KATNIP: variants seen among roughly 807,000 people sequenced by gnomAD.
KATNIP encodes katanin-interacting protein.
KATNIP carries 126 observed loss-of-function variants against 174.0 expected under a neutral mutation model. That is an observed-to-expected ratio of 0.72 (90% CI 0.63 to 0.84). The LOEUF is 0.84. Among genes scored for constraint, KATNIP ranks in the 40% least tolerant of loss-of-function variants. The pLI, the probability that KATNIP is intolerant of heterozygous loss-of-function variation, is 0.00. For synonymous variants in KATNIP, 810 were observed against 835.7 expected (o/e 0.97, Z 0.53); for missense variants, 1,958 against 2,109.7 (o/e 0.93, Z 1.41).
intron 22 of KATNIP, 45 bp downstream of exon 22, chr16:27,771,697 G>A: frequency 6.3e-7 from 1 of 1,597,624 alleles, no homozygotes; most frequent in Non-Finnish European, 8.6e-7. Context: ...GGGCCCCGAG[G>A]CAGCGCCTGG....
chr16:27,661,181 C>T (rs1428298783), intron 6 of KATNIP, among the ~76,000 whole-genome samples: 4 of 152,052 alleles, frequency 2.6e-5, no homozygotes, highest in African/African-American at 9.7e-5. Context: ...TAGTTTGGAT[C>T]CTGAAATATT....
chr16:27,594,194 A>C (rs1193406466), intron 2 of KATNIP, among the ~76,000 whole-genome samples: 1 of 152,046 alleles, frequency 6.6e-6, no homozygotes, highest in East Asian at 1.9e-4. Flanking sequence ...CAGGAAGCCA[A>C]GTCTGCAGTG....
chr16:27,568,774 C>G (rs750851313), intron 1 of KATNIP, among the ~76,000 whole-genome samples: 2 of 152,134 alleles, frequency 1.3e-5, no homozygotes, highest in Non-Finnish European at 2.9e-5. Flanking sequence ...GAAATAAGTT[C>G]TTAATCCAAA....
intron 22 of KATNIP, among the ~76,000 whole-genome samples, chr16:27,772,824 T>TAC (rs771813914): frequency 1.6e-4 from 24 of 151,856 alleles, no homozygotes; most frequent in South Asian, 8.3e-4. Flanking sequence ...GAATTCCTAA[T>TAC]ACACACACAC....
intron 2 of KATNIP, among the ~76,000 whole-genome samples, chr16:27,592,526 G>A (rs535380284): frequency 5.3e-5 from 8 of 152,098 alleles, no homozygotes; most frequent in African/African-American, 1.4e-4. Flanking sequence ...GCTGAGGTGG[G>A]AAGATCACTT....
Position 27,740,718 on chromosome 16 carries a change from C to T in KATNIP, c.2421C>T (p.Gly807=). Residue 807 remains glycine (G), a synonymous_variant, in exon 15 of 28, where the codon GGC becomes GGT. Coordinates refer to ENST00000261588, the MANE Select transcript of KATNIP (RefSeq NM_015202.5). ...GAGAGACCGAGGCCAGGGATAAAGG[C>T]CTACGGCATGAGCCAGGGTGGGGGA... is the stretch of plus-strand genomic sequence containing the variant. ...GPGETEARDK[G]LRHEPGWGTS... The T allele has an allele frequency of 6.2e-7, 1 of 1,614,178 alleles. No individual in the cohort carries two copies. The highest frequency in any genetic ancestry group is 2.2e-5 in the East Asian group (1 of 44,880).
chr16:27,696,226 T>C (rs1042114094), intron 8 of KATNIP, among the ~76,000 whole-genome samples: 3 of 152,226 alleles, frequency 2.0e-5, no homozygotes, highest in African/African-American at 7.2e-5. Flanking sequence ...AAAGCAATAA[T>C]ATTGCAAAAT....
chr16:27,648,651 A>G lies in KATNIP; in HGVS notation c.456A>G (p.Glu152=), dbSNP rs768608795. 1 of 1,614,000 alleles carries G rather than the reference A, an allele frequency of 6.2e-7. No individual in the cohort carries two copies. The highest frequency in any genetic ancestry group is 1.1e-5 in the South Asian group (1 of 91,080). Residue 152 remains glutamate, a synonymous_variant, in exon 6 of 28, where the codon GAA becomes GAG. Transcript: ENST00000261588. ...AAGCTGGCCCACGGCTCCACATCGA[A>G]CCTCCTGTGGACTATTCTGATGATT... The part of the protein sequence containing the change: ...RTEAGPRLHI[E]PPVDYSDDFE...
At chr16:27,632,509 G>T in intron 5 of KATNIP, 1 of 429,666 alleles carries the variant, frequency 2.3e-6, no homozygotes, top group Non-Finnish European at 4.9e-6. Flanking sequence ...GGATCTGAGG[G>T]TGGAGGTTTT....
intron 17 of KATNIP, among the ~76,000 whole-genome samples, chr16:27,753,876 A>G (rs945721304): frequency 1.4e-5 from 2 of 147,602 alleles, no homozygotes; most frequent in East Asian, 2.0e-4. Context: ...AGCTCACCAC[A>G]TAAGCATTTA....
chr16:27,754,313 TGTG>T, intron 18 of KATNIP, 62 bp downstream of exon 18: 2 of 1,392,456 alleles, frequency 1.4e-6, no homozygotes, highest in East Asian at 4.6e-5. Flanking sequence ...CAGGGGGAGT[TGTG>T]GCCACTTGGG....
chr16:27,647,519 T>TG (rs1442541879), intron 5 of KATNIP, among the ~76,000 whole-genome samples: 1 of 150,872 alleles, frequency 6.6e-6, no homozygotes, highest in African/African-American at 2.4e-5. Context: ...TTTTTTTTTT[T>TG]TTTTAAATGG....
intron 2 of KATNIP, among the ~76,000 whole-genome samples, chr16:27,603,657 T>C (rs1243441906): frequency 6.6e-6 from 1 of 152,004 alleles, no homozygotes; most frequent in African/African-American, 2.4e-5. Context: ...GTTGCCCAGG[T>C]TGGTCTCCAA....
intron 6 of KATNIP, among the ~76,000 whole-genome samples, chr16:27,672,680 G>A (rs926652871): frequency 1.3e-5 from 2 of 152,170 alleles, no homozygotes; most frequent in East Asian, 1.9e-4. Context: ...GAGGAGTGGC[G>A]GAGTGCAGAA....
rs149873046 is a variant in KATNIP at position 27,622,256 on chromosome 16, C to A, written c.140+3755C>A. ...TAGTGGCAGGGTGAGCGCAAGGCCA[C>A]CTATAACTATGACAAAAGAAGCAGA... On this transcript the variant is annotated intron_variant, in intron 3 of 27. Transcript: ENST00000261588. Among the ~76,000 whole-genome samples, 4 of 152,196 alleles carry A rather than the reference C, an allele frequency of 2.6e-5. No individual in the cohort carries two copies. In the East Asian group the frequency reaches 7.7e-4, roughly 29 times the overall value.
chr16:27,621,843 A>G (rs1462285354), intron 3 of KATNIP, among the ~76,000 whole-genome samples: 1 of 151,942 alleles, frequency 6.6e-6, no homozygotes, highest in Non-Finnish European at 1.5e-5. Flanking sequence ...CACTATCGCA[A>G]GGACAACATC....
intron 8 of KATNIP, among the ~76,000 whole-genome samples, chr16:27,693,380 A>T (rs943819183): frequency 1.3e-5 from 2 of 151,736 alleles, no homozygotes; most frequent in African/African-American, 4.8e-5. Context: ...AAAATGGCCC[A>T]CTTGATTTTT....
Position 27,779,988 on chromosome 16 carries a change from G to C in KATNIP, c.*1359G>C, listed in dbSNP as rs1003010517. On this transcript the variant is annotated 3_prime_UTR_variant, in exon 28 of 28. Coordinates refer to ENST00000261588, the MANE Select transcript of KATNIP (RefSeq NM_015202.5). ...CGGGGCTGATGTGAAGATAAGAATT[G>C]TTTCTCCTGGAGAAAGATCCATCAT... 1.3e-5 allele frequency: 2 copies of C among 152,168 alleles called. No individual in the cohort carries two copies. Among genetic ancestry groups the C allele is most frequent in the Non-Finnish European group, 2.9e-5 (2 of 68,038 alleles). 9.4% of individuals were successfully genotyped at this position (152,168 alleles called of 1,614,324 possible). A position where few individuals can be genotyped will look rare whatever the true frequency, so the allele number is the denominator to read the frequency against.
At position 27,750,279 on chromosome 16, in the gene KATNIP, G is replaced by T. The variant is rs756758298; in HGVS notation, c.3319G>T (p.Ala1107Ser). 1 of 1,612,994 alleles carries T rather than the reference G, an allele frequency of 6.2e-7. No individual in the cohort carries two copies. Among genetic ancestry groups the T allele is most frequent in the Non-Finnish European group, 8.5e-7 (1 of 1,179,278 alleles). Residue 1107 changes from alanine to serine, a missense_variant, in exon 16 of 28, where the codon GCC becomes TCC. Ala to Ser is a moderately conservative substitution (Grantham distance 99). Transcript: ENST00000261588. Reference protein sequence around the residue: ...DTQCIFEGEIAKASGTLAGAP... With the variant: ...DTQCIFEGEISKASGTLAGAP... ...CCAGTGCATCTTTGAAGGAGAAATCGCCAAGGCCTCTGGAACCCTGGCGGG... is the reference window on the plus strand; with the variant it reads ...CCAGTGCATCTTTGAAGGAGAAATCTCCAAGGCCTCTGGAACCCTGGCGGG...
Sources: gnomAD v4.1 joint callset for allele counts (sites outside exome capture counted in the v4.1 genomes callset) on GRCh38, gnomAD v4.1.1 for gene constraint, MANE v1.5 for transcripts, NCBI Gene and HGNC (gene_info 2026-07-23, HGNC 2026-07-21) for gene names.